Variants in CNTNAP4 observed in about 807,000 individuals in gnomAD.
CNTNAP4 encodes the protein contactin associated protein family member 4.
Under a neutral mutation model 148.4 loss-of-function variants are expected in CNTNAP4, and 98 were observed. The observed-to-expected ratio is 0.66, with a 90% CI of 0.56 to 0.78. The LOEUF is 0.78. Among genes scored for constraint, CNTNAP4 ranks in the 30% least tolerant of loss-of-function variants. The pLI is 0.00. For missense variants in CNTNAP4, 1,935 were observed against 1,565.6 expected (o/e 1.24, Z -3.98); for synonymous variants, 730 against 565.1 (o/e 1.29, Z -4.14).
chr16:76,365,171 G>T (rs540626803), intron 3 of CNTNAP4, among the ~76,000 whole-genome samples: 1 of 152,278 alleles, frequency 6.6e-6, no homozygotes, highest in East Asian at 1.9e-4. Context: ...GTTTGTCAAA[G>T]ATCAGATGGT....
chr16:76,299,216 A>G (rs1959664180), intron 1 of CNTNAP4, among the ~76,000 whole-genome samples: 1 of 152,190 alleles, frequency 6.6e-6, no homozygotes, highest in Admixed American at 6.5e-5. Flanking sequence ...CAGGCAACAT[A>G]CAGAATGGGA....
chr16:76,549,757 T>C (rs2067093191), intron 21 of CNTNAP4, among the ~76,000 whole-genome samples: 1 of 152,264 alleles, frequency 6.6e-6, no homozygotes, highest in Admixed American at 6.5e-5. Flanking sequence ...GAATGAAGTA[T>C]TTGACCCACA....
At position 76,277,751 on chromosome 16, in the gene CNTNAP4, A is replaced by G. The variant is rs1406880051; in HGVS notation, c.85+4A>G. 1 of 1,557,252 alleles carries G rather than the reference A, an allele frequency of 6.4e-7. No homozygotes were observed. The highest frequency in any genetic ancestry group is 8.8e-7 in the Non-Finnish European group (1 of 1,137,994). ...AGAGTCGAAGCTGGGAATTCCTGTA[A>G]GTATACAGCAAATGATTTAAAACTT... On this transcript the variant is annotated splice_donor_region_variant and intron_variant, in intron 1 of 23. Transcript: ENST00000611870.
At chr16:76,352,610 G>A (rs1023048781) in intron 2 of CNTNAP4, among the ~76,000 whole-genome samples, 6 of 152,106 alleles carry the variant, frequency 3.9e-5, no homozygotes, top group South Asian at 2.1e-4. Flanking sequence ...ACTGCACTGA[G>A]AATTAATTTA....
intron 4 of CNTNAP4, among the ~76,000 whole-genome samples, chr16:76,440,849 G>A (rs567092240): frequency 6.6e-6 from 1 of 152,232 alleles, no homozygotes; most frequent in African/African-American, 2.4e-5. Flanking sequence ...TGGGGGTGAG[G>A]AGGACATTGC....
intron 3 of CNTNAP4, among the ~76,000 whole-genome samples, chr16:76,376,486 C>G (rs1567916026): frequency 6.7e-6 from 1 of 148,766 alleles, no homozygotes; most frequent in East Asian, 2.2e-4. Context: ...GTTTAGACTT[C>G]AGTCTATATA....
rs748587038 is a variant in CNTNAP4 at position 76,498,570 on chromosome 16, C to G, written c.2241C>G (p.Thr747=). ...TGTTGTTGCTATTGTTTTTTAGGAC[C>G]AATGACACTGGATTGCTTGCTTATA... The part of the protein sequence containing the change: ...CNCDADRNEW[T]NDTGLLAYKE... Residue 747 remains threonine, a synonymous_variant, in exon 15 of 24, where the codon ACC becomes ACG. Coordinates refer to ENST00000611870, the MANE Select transcript of CNTNAP4 (RefSeq NM_033401.5). The G allele has an allele frequency of 4.4e-6, 7 of 1,608,304 alleles. No individual in the cohort carries two copies. In the East Asian group the frequency reaches 1.3e-4, roughly 31 times the overall value.
chr16:76,550,279 C>T (rs2084906602), intron 21 of CNTNAP4, among the ~76,000 whole-genome samples: 2 of 152,120 alleles, frequency 1.3e-5, no homozygotes, highest in Admixed American at 6.5e-5. Context: ...TTTATTGTCT[C>T]TCTCCCTTTC....
At chr16:76,534,513 CT>C in intron 17 of CNTNAP4, among the ~76,000 whole-genome samples, 1 of 152,270 alleles carries the variant, frequency 6.6e-6, no homozygotes, top group Middle Eastern at 3.4e-3. Context: ...TTAGGGTACT[CT>C]TTTCCCGCTT....
At chr16:76,284,078 T>G (rs1567573590) in intron 1 of CNTNAP4, among the ~76,000 whole-genome samples, 2 of 152,044 alleles carry the variant, frequency 1.3e-5, no homozygotes, top group South Asian at 4.1e-4. Context: ...TCATTTTTAT[T>G]CATTCAATAA....
intron 4 of CNTNAP4, among the ~76,000 whole-genome samples, chr16:76,443,258 T>G (rs1049284695): frequency 2.6e-5 from 4 of 152,178 alleles, no homozygotes; most frequent in African/African-American, 9.6e-5. Context: ...CTTACATCTT[T>G]AGACTGTAGG....
At chr16:76,378,534 A>T (rs1027824707) in intron 3 of CNTNAP4, among the ~76,000 whole-genome samples, 4 of 152,214 alleles carry the variant, frequency 2.6e-5, no homozygotes, top group African/African-American at 9.6e-5. Flanking sequence ...GTCTGTCCAT[A>T]TCACAGGTCA....
chr16:76,528,138 A>G (rs1227027001), intron 17 of CNTNAP4, among the ~76,000 whole-genome samples: 2 of 152,226 alleles, frequency 1.3e-5, no homozygotes, highest in African/African-American at 4.8e-5. Flanking sequence ...TGTGCTTAAC[A>G]CTTTACCTGC....
At chr16:76,322,041 C>T (rs1962477285) in intron 2 of CNTNAP4, among the ~76,000 whole-genome samples, 1 of 151,972 alleles carries the variant, frequency 6.6e-6, no homozygotes, top group Non-Finnish European at 1.5e-5. Flanking sequence ...CTGGAGATGC[C>T]CTGTACTTGT....
At chr16:76,444,669 C>G (rs1162134703) in intron 4 of CNTNAP4, among the ~76,000 whole-genome samples, 2 of 151,992 alleles carry the variant, frequency 1.3e-5, no homozygotes. Flanking sequence ...CAAATGGGTG[C>G]AAATAACTTT....
chr16:76,529,512 G>T (rs1178575665), intron 17 of CNTNAP4, among the ~76,000 whole-genome samples: 2 of 152,154 alleles, frequency 1.3e-5, no homozygotes, highest in Non-Finnish European at 2.9e-5. Context: ...ATTTTGGTTT[G>T]TAAACTCAGC....
At chr16:76,456,758 TAAATA>T (rs976755369) in intron 8 of CNTNAP4, among the ~76,000 whole-genome samples, 243 of 152,152 alleles carry the variant, frequency 1.6e-3, no homozygotes, top group African/African-American at 5.5e-3. Context: ...GAGCAAAAAA[TAAATA>T]AAATAAAATA....
At chr16:76,376,930 T>TGTGTGTGTGC (rs2015478811) in intron 3 of CNTNAP4, among the ~76,000 whole-genome samples, 1 of 151,360 alleles carries the variant, frequency 6.6e-6, no homozygotes, top group Non-Finnish European at 1.5e-5. Flanking sequence ...TGTGTGTGTG[T>TGTGTGTGTGC]GTGTGTGTGT....
In CNTNAP4 at chr16:76,378,973, C is replaced by G. The variant is rs145422985; in HGVS notation, c.390+23462C>G. 1.4e-4 allele frequency among the ~76,000 whole-genome samples: 22 copies of G among 152,258 alleles called. No individual in the cohort carries two copies. The East Asian group carries it at 3.9e-3, about 27-fold the overall frequency. On this transcript the variant is annotated intron_variant, in intron 3 of 23. Transcript: ENST00000611870. ...CTTCTACAACTCACTTGATTTGTGA[C>G]TTTGACTCAAAGTTTGTGACTTCAG... is the stretch of plus-strand genomic sequence containing the variant.
Sources: gnomAD v4.1 joint callset for allele counts (sites outside exome capture counted in the v4.1 genomes callset) on GRCh38, gnomAD v4.1.1 for gene constraint, MANE v1.5 for transcripts, NCBI Gene and HGNC (gene_info 2026-07-23, HGNC 2026-07-21) for gene names.